The following IMMP2L variants were observed in gnomAD, a reference collection of about 807,000 sequenced individuals.
IMMP2L encodes the protein inner mitochondrial membrane peptidase subunit 2, also known as mitochondrial inner membrane protease subunit 2.
IMMP2L carries 18 observed loss-of-function variants against 19.3 expected under a neutral mutation model. That is an observed-to-expected ratio of 0.93 (90% CI 0.64 to 1.38). The LOEUF is 1.38. Among genes scored for constraint, IMMP2L ranks in the 40% most tolerant of loss-of-function variants. The pLI, the probability that IMMP2L is intolerant of heterozygous loss-of-function variation, is 0.00. For synonymous variants in IMMP2L, 76 were observed against 73.0 expected (o/e 1.04, Z -0.21); for missense variants, 233 against 218.2 (o/e 1.07, Z -0.43).
intron 5 of IMMP2L, among the ~76,000 whole-genome samples, chr7:110,741,697 T>A (rs2130869941): frequency 6.6e-6 from 1 of 152,328 alleles, no homozygotes; most frequent in South Asian, 2.1e-4. Flanking sequence ...AGACAGTATG[T>A]AACCTCAATA....
At position 111,521,411 on chromosome 7, in the gene IMMP2L, T is replaced by C; in HGVS notation, c.37A>G (p.Lys13Glu). Reference protein sequence around the residue: ...QSQGWVKRYIKAFCKGFFVAV... With the variant: ...QSQGWVKRYIEAFCKGFFVAV... ...ACAAAGAAGCCTTTACAAAAGGCCT[T>C]GATGTATCTTTTCACCCACCCTTGT... is the stretch of plus-strand genomic sequence containing the variant. Residue 13 changes from lysine (K) to glutamate (E), a missense_variant, in exon 2 of 6, where the codon AAG becomes GAG. Lys to Glu is a moderately conservative substitution (Grantham distance 56, BLOSUM62 1). Transcript: ENST00000405709. The C allele has an allele frequency of 6.2e-7, 1 of 1,612,928 alleles. No individual in the cohort carries two copies. Among genetic ancestry groups the C allele is most frequent in the Non-Finnish European group, 8.5e-7 (1 of 1,179,234 alleles).
At chr7:111,191,647 A>ATT (rs925998191) in intron 3 of IMMP2L, among the ~76,000 whole-genome samples, 3 of 152,060 alleles carry the variant, frequency 2.0e-5, no homozygotes, top group African/African-American at 7.2e-5. Flanking sequence ...AGGTAAGAAG[A>ATT]TTCTAGCATT....
chr7:110,848,509 A>G (rs1403258596), intron 5 of IMMP2L, among the ~76,000 whole-genome samples: 1 of 152,172 alleles, frequency 6.6e-6, no homozygotes, highest in Non-Finnish European at 1.5e-5. Flanking sequence ...AGTTTCTTAC[A>G]AACTAAACAT....
chr7:111,493,271 T>C (rs1366252774), intron 2 of IMMP2L, among the ~76,000 whole-genome samples: 1 of 151,488 alleles, frequency 6.6e-6, no homozygotes, highest in East Asian at 1.9e-4. Context: ...AACTATCTTG[T>C]TTATTTATTA....
chr7:111,062,541 C>G lies in IMMP2L; in HGVS notation c.240-98976G>C, dbSNP rs191426657. 7.9e-5 allele frequency among the ~76,000 whole-genome samples: 12 copies of G among 152,266 alleles called. No individual in the cohort carries two copies. In the East Asian group the frequency reaches 2.3e-3, roughly 29 times the overall value. On this transcript the variant is annotated intron_variant, in intron 3 of 5. Coordinates refer to ENST00000405709, the MANE Select transcript of IMMP2L (RefSeq NM_032549.4). ...TCCCAACAGTCCCCTAAAGTCTTAA[C>G]TCATTTCAGCACTAACTTAAAAGTC...
intron 3 of IMMP2L, among the ~76,000 whole-genome samples, chr7:111,229,477 G>A (rs1271990712): frequency 6.6e-6 from 1 of 152,012 alleles, no homozygotes; most frequent in African/African-American, 2.4e-5. Flanking sequence ...CCTGGTTTCT[G>A]ATAGGAAAAG....
intron 5 of IMMP2L, among the ~76,000 whole-genome samples, chr7:110,831,211 T>G (rs960545037): frequency 6.6e-6 from 1 of 152,134 alleles, no homozygotes; most frequent in African/African-American, 2.4e-5. Flanking sequence ...GTTTCAAATC[T>G]CTCTACCTTC....
intron 3 of IMMP2L, among the ~76,000 whole-genome samples, chr7:111,442,098 G>C (rs1326151771): frequency 6.6e-6 from 1 of 151,610 alleles, no homozygotes; most frequent in Non-Finnish European, 1.5e-5. Context: ...GATCATGCCA[G>C]TGGTACTCCA....
intron 3 of IMMP2L, among the ~76,000 whole-genome samples, chr7:110,982,420 G>A (rs974750754): frequency 1.3e-5 from 2 of 152,068 alleles, no homozygotes; most frequent in African/African-American, 4.8e-5. Context: ...TATTGCATAA[G>A]TGCTCATATT....
At chr7:110,961,103 A>G (rs893476780) in intron 4 of IMMP2L, among the ~76,000 whole-genome samples, 28 of 151,928 alleles carry the variant, frequency 1.8e-4, no homozygotes, top group African/African-American at 6.5e-4. Context: ...GAAATGATAC[A>G]GCCACTTTCT....
chr7:110,824,765 G>A (rs1392965763), intron 5 of IMMP2L, among the ~76,000 whole-genome samples: 4 of 152,178 alleles, frequency 2.6e-5, no homozygotes, highest in African/African-American at 7.2e-5. Flanking sequence ...CAATACCACA[G>A]TACTTTTCTC....
intron 3 of IMMP2L, among the ~76,000 whole-genome samples, chr7:111,389,758 C>T (rs191452060): frequency 1.3e-5 from 2 of 152,064 alleles, no homozygotes; most frequent in African/African-American, 2.4e-5. Flanking sequence ...GCCTTAAATG[C>T]CCATATAACT....
intron 3 of IMMP2L, among the ~76,000 whole-genome samples, chr7:111,060,869 G>A (rs1208552975): frequency 6.6e-6 from 1 of 152,130 alleles, no homozygotes; most frequent in African/African-American, 2.4e-5. Flanking sequence ...TAAAACTTTA[G>A]CTATTTCACT....
chr7:111,094,972 A>G (rs1331499299), intron 3 of IMMP2L, among the ~76,000 whole-genome samples: 3 of 152,076 alleles, frequency 2.0e-5, no homozygotes, highest in Admixed American at 2.0e-4. Flanking sequence ...TCCATCTCAA[A>G]TCTTTCTGAA....
chr7:111,537,928 C>T (rs1004420929), intron 1 of IMMP2L, among the ~76,000 whole-genome samples: 4 of 152,058 alleles, frequency 2.6e-5, no homozygotes, highest in Non-Finnish European at 5.9e-5. Context: ...GGCCCTTATA[C>T]ATCTCTCCCT....
intron 3 of IMMP2L, among the ~76,000 whole-genome samples, chr7:111,070,043 C>T (rs1349011030): frequency 6.6e-6 from 1 of 151,948 alleles, no homozygotes; most frequent in African/African-American, 2.4e-5. Context: ...AACCTCACAA[C>T]ACAGATTTAC....
chr7:110,985,188 A>G (rs939603227), intron 3 of IMMP2L, among the ~76,000 whole-genome samples: 26 of 152,282 alleles, frequency 1.7e-4, no homozygotes, highest in Admixed American at 1.5e-3. Context: ...ACTTTAATTT[A>G]GCCCACTGAG....
chr7:111,226,285 C>G (rs1447854932), intron 3 of IMMP2L, among the ~76,000 whole-genome samples: 1 of 152,036 alleles, frequency 6.6e-6, no homozygotes, highest in Non-Finnish European at 1.5e-5. Flanking sequence ...TCCTCGGTAG[C>G]TTGGACTACA....
At chr7:110,785,517 T>C (rs1312257540) in intron 5 of IMMP2L, among the ~76,000 whole-genome samples, 1 of 151,876 alleles carries the variant, frequency 6.6e-6, no homozygotes, top group East Asian at 1.9e-4. Flanking sequence ...GCACTGGACT[T>C]CCCATAGATT....
Sources: allele counts gnomAD v4.1 joint callset (sites outside exome capture counted in the v4.1 genomes callset), GRCh38; gene constraint gnomAD v4.1.1; transcripts MANE v1.5; gene names NCBI Gene and HGNC (gene_info 2026-07-23, HGNC 2026-07-21).